MPPED2: variants seen among roughly 807,000 people sequenced by gnomAD.
The protein encoded by MPPED2 is metallophosphoesterase domain containing 2.
MPPED2 carries 5 observed loss-of-function variants against 33.0 expected under a neutral mutation model. That is an observed-to-expected ratio of 0.15 (90% CI 0.08 to 0.32). MPPED2 has a LOEUF of 0.32. MPPED2 is among the 10% of genes least tolerant of loss of function. MPPED2 has a pLI of 1.00. For missense variants in MPPED2, 275 were observed against 372.1 expected (o/e 0.74, Z 2.15); for synonymous variants, 136 against 141.9 (o/e 0.96, Z 0.29).
intron 4 of MPPED2, chr11:30,469,006 G>A (rs540458762): frequency 1.3e-5 from 2 of 152,174 alleles, no homozygotes; most frequent in Admixed American, 6.5e-5. Context: ...GATATCTCTG[G>A]GAACCAAATC....
chr11:30,494,970 C>T (rs986433469), intron 4 of MPPED2, among the ~76,000 whole-genome samples: 1 of 151,978 alleles, frequency 6.6e-6, no homozygotes, highest in East Asian at 1.9e-4. Flanking sequence ...GCAAATACTA[C>T]ACCATTTTAT....
rs1052472860 is a variant in MPPED2 at position 30,418,483 on chromosome 11, T to A, written c.537-850A>T. ...GTAATGGGAGACTGATCAATTTCTCTCTGCAAATACTACAGGCTAAATCAC... is the reference window on the plus strand; with the variant it reads ...GTAATGGGAGACTGATCAATTTCTCACTGCAAATACTACAGGCTAAATCAC... On this transcript the variant is annotated intron_variant, in intron 4 of 6. Transcript: ENST00000358117. 2.6e-5 allele frequency among the ~76,000 whole-genome samples: 4 copies of A among 152,356 alleles called. No homozygotes were observed. The South Asian group carries it at 8.3e-4, about 32-fold the overall frequency.
At chr11:30,396,182 G>A (rs118072597) in intron 6 of MPPED2, among the ~76,000 whole-genome samples, 1 of 152,212 alleles carries the variant, frequency 6.6e-6, no homozygotes, top group East Asian at 1.9e-4. Context: ...CCCCTGTGCA[G>A]GGACATAAAG....
At chr11:30,433,091 C>A (rs1949155532) in intron 4 of MPPED2, among the ~76,000 whole-genome samples, 1 of 152,180 alleles carries the variant, frequency 6.6e-6, no homozygotes, top group African/African-American at 2.4e-5. Flanking sequence ...AGAGGTGAAC[C>A]AAGGTTTCCT....
intron 4 of MPPED2, among the ~76,000 whole-genome samples, chr11:30,467,479 T>C (rs1414980007): frequency 6.6e-6 from 1 of 152,022 alleles, no homozygotes; most frequent in Non-Finnish European, 1.5e-5. Context: ...AGACATTGCC[T>C]GATTTTAAGG....
chr11:30,419,764 A>G (rs1948530520), intron 4 of MPPED2, among the ~76,000 whole-genome samples: 1 of 152,126 alleles, frequency 6.6e-6, no homozygotes, highest in African/African-American at 2.4e-5. Flanking sequence ...TAAGACTTAT[A>G]TGAGCCTGGA....
intron 4 of MPPED2, among the ~76,000 whole-genome samples, chr11:30,481,186 G>T (rs1270031881): frequency 1.3e-5 from 2 of 152,042 alleles, no homozygotes; most frequent in African/African-American, 4.8e-5. Context: ...TTGACACCAT[G>T]CTTCTAGACT....
Position 30,584,593 on chromosome 11 carries a change from C to T in MPPED2, c.-122+1449G>A, listed in dbSNP as rs190500935. On this transcript the variant is annotated intron_variant, in intron 1 of 6. Coordinates refer to ENST00000358117, the MANE Select transcript of MPPED2 (RefSeq NM_001584.3). The stretch of plus-strand genomic sequence containing the variant: ...TCTTTTTTCTCTCCCTCTTCCCTAG[C>T]TCTGGATTGATTGATGACCACCGGC... 3.9e-5 allele frequency: 6 copies of T among 152,440 alleles called. No homozygotes were observed. The East Asian group carries it at 9.7e-4, about 25-fold the overall frequency. The allele number at this position is 152,440 out of a possible 1,614,324, so 9.4% of individuals were successfully genotyped here. A position where few individuals can be genotyped will look rare whatever the true frequency, so the allele number is the denominator to read the frequency against.
chr11:30,469,800 GTT>G (rs965657270), intron 4 of MPPED2, among the ~76,000 whole-genome samples: 1 of 152,038 alleles, frequency 6.6e-6, no homozygotes, highest in African/African-American at 2.4e-5. Context: ...CAGGCAAATG[GTT>G]TCCCTCTCTA....
intron 6 of MPPED2, among the ~76,000 whole-genome samples, chr11:30,412,960 T>C (rs1590174468): frequency 1.3e-5 from 2 of 152,334 alleles, no homozygotes; most frequent in East Asian, 3.9e-4. Context: ...CCCACCTCCC[T>C]AGTCTCCCCT....
intron 4 of MPPED2, among the ~76,000 whole-genome samples, chr11:30,445,358 G>C (rs1456305900): frequency 3.3e-5 from 5 of 152,180 alleles, no homozygotes; most frequent in Non-Finnish European, 5.9e-5. Flanking sequence ...CTGACTCCCA[G>C]ACCAAACATC....
At chr11:30,398,955 G>A (rs1325950690) in intron 6 of MPPED2, among the ~76,000 whole-genome samples, 1 of 152,010 alleles carries the variant, frequency 6.6e-6, no homozygotes, top group East Asian at 1.9e-4. Flanking sequence ...ATGAATGTGA[G>A]GACGATCATA....
intron 2 of MPPED2, among the ~76,000 whole-genome samples, chr11:30,548,784 T>C (rs1955564648): frequency 6.6e-6 from 1 of 152,156 alleles, no homozygotes; most frequent in African/African-American, 2.4e-5. Flanking sequence ...TCAACAAAGG[T>C]GAGTCATAGT....
rs139737453 is a variant in MPPED2, at chr11:30,507,262, G to A, written c.311-11741C>T. On this transcript the variant is annotated intron_variant, in intron 3 of 6. Transcript: ENST00000358117. Reference sequence around the variant, plus strand: ...TTTTCTTCCCTCTGAAGGGAATTTCGGGGAATATTTTATTGCCATCAAATA... The same window carrying A: ...TTTTCTTCCCTCTGAAGGGAATTTCAGGGAATATTTTATTGCCATCAAATA... Among the ~76,000 whole-genome samples the A allele has an allele frequency of 2.4e-3, 365 of 152,290 alleles. 1 individual carries two copies. The highest frequency in any genetic ancestry group is 8.2e-3 in the African/African-American group (342 of 41,558).
chr11:30,528,169 C>G (rs749742897), intron 3 of MPPED2, among the ~76,000 whole-genome samples: 3 of 152,178 alleles, frequency 2.0e-5, no homozygotes, highest in Non-Finnish European at 4.4e-5. Flanking sequence ...ATCTACCACA[C>G]CACAGGATAC....
At chr11:30,423,922 T>C (rs1177573805) in intron 4 of MPPED2, among the ~76,000 whole-genome samples, 5 of 152,128 alleles carry the variant, frequency 3.3e-5, no homozygotes, top group Non-Finnish European at 7.3e-5. Flanking sequence ...CCCCAATGCA[T>C]AGGCAAGCAT....
In MPPED2 at chr11:30,541,807, G is replaced by T. The variant is rs570361933; in HGVS notation, c.129-5632C>A. Reference sequence around the variant, plus strand: ...AGGTTTCACCATGTTGGCCAGGGTGGTCTCAAACTCCTGACCTCAAGTGAT... The same window carrying T: ...AGGTTTCACCATGTTGGCCAGGGTGTTCTCAAACTCCTGACCTCAAGTGAT... On this transcript the variant is annotated intron_variant, in intron 2 of 6. Transcript: ENST00000358117. Among the ~76,000 whole-genome samples the T allele has an allele frequency of 3.3e-5, 5 of 152,224 alleles. No individual in the cohort carries two copies. The East Asian group carries it at 9.7e-4, about 29-fold the overall frequency.
At chr11:30,407,732 G>A (rs956427360), downstream of MPPED2, among the ~76,000 whole-genome samples, 2 of 152,066 alleles carry the variant, frequency 1.3e-5, no homozygotes, top group East Asian at 3.9e-4. Flanking sequence ...TTAGCTGGGC[G>A]CGGTGGCACG....
At chr11:30,444,214 A>C (rs1949703009) in intron 4 of MPPED2, among the ~76,000 whole-genome samples, 1 of 152,216 alleles carries the variant, frequency 6.6e-6, no homozygotes, top group Admixed American at 6.5e-5. Flanking sequence ...AATGATACTG[A>C]GAGAGAGAAC....
Sources: allele counts gnomAD v4.1 joint callset (sites outside exome capture counted in the v4.1 genomes callset), GRCh38; gene constraint gnomAD v4.1.1; transcripts MANE v1.5; gene names NCBI Gene and HGNC (gene_info 2026-07-23, HGNC 2026-07-21).